Variants in PPP1R12B observed in about 807,000 individuals in gnomAD.
PPP1R12B encodes the protein myosin phosphatase target subunit 2.
PPP1R12B carries 76 observed loss-of-function variants against 126.1 expected under a neutral mutation model. That is an observed-to-expected ratio of 0.60 (90% CI 0.50 to 0.73). The LOEUF (loss-of-function observed/expected upper bound fraction) is 0.73. PPP1R12B is among the 30% of genes least tolerant of loss of function. The probability of loss-of-function intolerance (pLI) is 0.00; values close to 1 mark genes in which losing one functional copy is unlikely to be tolerated. For missense variants in PPP1R12B, 1,052 were observed against 1,205.1 expected, an observed-to-expected ratio of 0.87 and a Z score of 1.88; for synonymous variants, 356 against 434.7, an observed-to-expected ratio of 0.82 and a Z score of 2.25.
chr1:202,472,850 T>C (rs1292748816), intron 13 of PPP1R12B, among the ~76,000 whole-genome samples: 1 of 152,214 alleles, frequency 6.6e-6, no homozygotes, highest in Non-Finnish European at 1.5e-5. Flanking sequence ...TGCTCCCTTC[T>C]GCTGGTGTAG....
At position 202,349,109 on chromosome 1, in the gene PPP1R12B, G is replaced by A; in HGVS notation, c.258G>A (p.Thr86=). The A allele has an allele frequency of 2.5e-6, 4 of 1,614,062 alleles. No individual in the cohort carries two copies. Among genetic ancestry groups the A allele is most frequent in the Non-Finnish European group, 3.4e-6 (4 of 1,180,040 alleles). ...KLLARGADIN[T]VNVDGLTALH... The stretch of plus-strand genomic sequence containing the variant: ...TGGCAAGAGGTGCTGATATCAACAC[G>A]GTCAACGTGGACGGCTTGACAGCCC... The change falls in exon 1 of 24, where the codon ACG becomes ACA. Residue 86 remains threonine, a synonymous_variant. Coordinates refer to ENST00000608999, the MANE Select transcript of PPP1R12B (RefSeq NM_002481.4).
intron 18 of PPP1R12B, among the ~76,000 whole-genome samples, chr1:202,541,266 A>G (rs1298286786): frequency 6.6e-6 from 1 of 152,064 alleles, no homozygotes; most frequent in African/African-American, 2.4e-5. Context: ...TGCATTTTCA[A>G]TGTCTTTCTT....
rs935126722 is a variant in PPP1R12B, at chr1:202,558,724, T to C, written c.2491-153T>C. ...TTTGTGTAGTCAATTTGATTGCTTT[T>C]CTTAAATGGCACCCCCATCTCCAGC... On this transcript the variant is annotated intron_variant, in intron 18 of 23. Coordinates refer to ENST00000608999, the MANE Select transcript of PPP1R12B (RefSeq NM_002481.4). The C allele has an allele frequency of 2.0e-5, 11 of 562,564 alleles. 1 individual carries two copies. Among genetic ancestry groups the C allele is most frequent in the African/African-American group, 2.0e-4 (10 of 51,178 alleles). The allele number at this position is 562,564 out of a possible 1,614,324, so 34.8% of individuals were successfully genotyped here.
chr1:202,566,461 G>A (rs1688057118), intron 21 of PPP1R12B, among the ~76,000 whole-genome samples: 1 of 152,156 alleles, frequency 6.6e-6, no homozygotes, highest in South Asian at 2.1e-4. Flanking sequence ...TATGGAGACA[G>A]TTACCACATG....
intron 12 of PPP1R12B, among the ~76,000 whole-genome samples, chr1:202,446,256 A>ATATT (rs376183502): frequency 1.5e-3 from 79 of 54,326 alleles, no homozygotes; most frequent in South Asian, 9.4e-3. Flanking sequence ...ATATATATAT[A>ATATT]TTTTTTTTTT....
intron 18 of PPP1R12B, among the ~76,000 whole-genome samples, chr1:202,549,741 T>C (rs1260683808): frequency 6.6e-6 from 1 of 152,126 alleles, no homozygotes; most frequent in Non-Finnish European, 1.5e-5. Context: ...TACACTCTGT[T>C]TTATGAGTGT....
intron 14 of PPP1R12B, among the ~76,000 whole-genome samples, chr1:202,490,483 T>TAC (rs1161509610): frequency 6.6e-6 from 1 of 152,228 alleles, no homozygotes; most frequent in East Asian, 1.9e-4. Context: ...TGGTGAAATA[T>TAC]ACGTAACATA....
chr1:202,437,713 A>G, intron 9 of PPP1R12B, 108 bp from the exon 10 acceptor site: 1 of 976,136 alleles, frequency 1.0e-6, no homozygotes, highest in Middle Eastern at 3.3e-4. Flanking sequence ...CTTCTTAGCT[A>G]CCTTATGTTG....
chr1:202,580,564 A>G lies in PPP1R12B; in HGVS notation c.*4A>G. ...CATCAGCAAACTGTCCAAGTAGGCT[A>G]GGCTCCAGATTTATGAGGAAAGAAA... On this transcript the variant is annotated 3_prime_UTR_variant, in exon 24 of 24. Coordinates refer to ENST00000608999, the MANE Select transcript of PPP1R12B (RefSeq NM_002481.4). 6.2e-7 allele frequency: 1 copy of G among 1,608,830 alleles called. No individual in the cohort carries two copies. The highest frequency in any genetic ancestry group is 1.1e-5 in the South Asian group (1 of 90,992).
chr1:202,571,436 C>T lies in PPP1R12B; in HGVS notation c.2862+2239C>T, dbSNP rs191970370. 1.4e-4 allele frequency among the ~76,000 whole-genome samples: 18 copies of T among 125,604 alleles called. No homozygotes were observed. In the East Asian group the frequency reaches 4.9e-3, roughly 34 times the overall value. 82.4% of individuals were successfully genotyped at this position (125,604 alleles called of 152,430 possible). A position where few individuals can be genotyped will look rare whatever the true frequency, so the allele number is the denominator to read the frequency against. On this transcript the variant is annotated intron_variant, in intron 23 of 23. Transcript: ENST00000608999. ...AACCAATAGGTAAGCTGTTGTGAGG[C>T]TGTTTTTTGTTTTTTTTTTCTCTTT...
chr1:202,395,897 C>T lies in PPP1R12B; in HGVS notation c.292-20890C>T, dbSNP rs544180714. Among the ~76,000 whole-genome samples the T allele has an allele frequency of 3.3e-5, 5 of 152,286 alleles. No individual in the cohort carries two copies. The East Asian group carries it at 9.6e-4, about 29-fold the overall frequency. On this transcript the variant is annotated intron_variant, in intron 1 of 23. Coordinates refer to ENST00000608999, the MANE Select transcript of PPP1R12B (RefSeq NM_002481.4). ...TGGATGAAAATCACCAAATAGTATA[C>T]GTTTTTATCACTTTACATTCATGGT...
At chr1:202,363,530 G>C (rs190880369) in intron 1 of PPP1R12B, among the ~76,000 whole-genome samples, 4 of 152,152 alleles carry the variant, frequency 2.6e-5, no homozygotes, top group Admixed American at 6.5e-5. Context: ...ATCTCTCCTG[G>C]GAATTTCTAG....
chr1:202,540,206 C>A (rs1684965931), intron 18 of PPP1R12B: 1 of 1,610,266 alleles, frequency 6.2e-7, no homozygotes, highest in Non-Finnish European at 8.5e-7. Context: ...TGATTCTCCC[C>A]CAGCATCTCC....
chr1:202,519,201 T>G (rs932572707), intron 18 of PPP1R12B, among the ~76,000 whole-genome samples: 1 of 152,174 alleles, frequency 6.6e-6, no homozygotes, highest in African/African-American at 2.4e-5. Context: ...TAGTCAAGGC[T>G]CTAGGAAGCT....
At chr1:202,378,229 C>T (rs1661576750) in intron 1 of PPP1R12B, among the ~76,000 whole-genome samples, 1 of 147,492 alleles carries the variant, frequency 6.8e-6, no homozygotes, top group African/African-American at 2.5e-5. Context: ...CCTTAAAATG[C>T]CTCAAGTTGT....
At chr1:202,473,545 C>T (rs891462688) in intron 13 of PPP1R12B, among the ~76,000 whole-genome samples, 7 of 152,222 alleles carry the variant, frequency 4.6e-5, no homozygotes, top group African/African-American at 9.6e-5. Context: ...AATGCTGCAT[C>T]TCTCTTTGCT....
At chr1:202,446,079 A>C (rs1382375796) in intron 12 of PPP1R12B, among the ~76,000 whole-genome samples, 2 of 151,772 alleles carry the variant, frequency 1.3e-5, no homozygotes, top group Non-Finnish European at 2.9e-5. Context: ...ATGATGGATT[A>C]TTAATAATAA....
At chr1:202,351,427 T>C (rs1655985471) in intron 1 of PPP1R12B, among the ~76,000 whole-genome samples, 2 of 152,110 alleles carry the variant, frequency 1.3e-5, no homozygotes, top group African/African-American at 4.8e-5. Flanking sequence ...TTAGTAGGGA[T>C]GGGGTTTCGC....
At chr1:202,415,315 A>G (rs1667930207) in intron 1 of PPP1R12B, among the ~76,000 whole-genome samples, 1 of 152,212 alleles carries the variant, frequency 6.6e-6, no homozygotes, top group African/African-American at 2.4e-5. Context: ...TTAAGGCACC[A>G]GCGGTTTTAC....
Sources: gnomAD v4.1 joint callset for allele counts (sites outside exome capture counted in the v4.1 genomes callset) on GRCh38, gnomAD v4.1.1 for gene constraint, MANE v1.5 for transcripts, NCBI Gene and HGNC (gene_info 2026-07-23, HGNC 2026-07-21) for gene names.